Variants in PDE6B observed in about 807,000 individuals in gnomAD.
The protein encoded by PDE6B is phosphodiesterase 6B, also known as rod cGMP-specific 3',5'-cyclic phosphodiesterase subunit beta.
Under a neutral mutation model 109.0 loss-of-function variants are expected in PDE6B, and 106 were observed. The ratio of observed to expected loss-of-function variants is 0.97; its 90% CI spans 0.83 to 1.14. PDE6B has a LOEUF of 1.14. Among genes scored for constraint, PDE6B ranks in the 50% most tolerant of loss-of-function variants. The pLI, the probability that PDE6B is intolerant of heterozygous loss-of-function variation, is 0.00. For synonymous variants in PDE6B, 490 were observed against 471.3 expected (o/e 1.04, Z -0.51); for missense variants, 1,193 against 1,155.6 (o/e 1.03, Z -0.47).
intron 1 of PDE6B, among the ~76,000 whole-genome samples, chr4:631,292 A>T (rs1287433841): frequency 6.6e-6 from 1 of 152,234 alleles, no homozygotes; most frequent in Non-Finnish European, 1.5e-5. Flanking sequence ...GTCAGGTCTG[A>T]GATCCAGGAA....
chr4:654,551 C>T (rs1735968383), intron 5 of PDE6B: 3 of 599,682 alleles, frequency 5.0e-6, no homozygotes, highest in Non-Finnish European at 9.1e-6. Flanking sequence ...TAAACCGCGG[C>T]GTGTGATGCG....
rs200600572 is a variant in PDE6B, at chr4:634,799, C to T, written c.591C>T (p.Asn197=). The change falls in exon 2 of 22, where the codon AAC becomes AAT. Residue 197 remains asparagine (N), a synonymous_variant. Transcript: ENST00000496514. ...TGATCATGGCAGTGAACAAGCTCAA[C>T]GGCCCATTCTTCACCAGCGAAGACG... ...VAVIMAVNKL[N]GPFFTSEDED... 9.6e-5 allele frequency: 155 copies of T among 1,613,980 alleles called. No individual in the cohort carries two copies. Among genetic ancestry groups the T allele is most frequent in the Non-Finnish European group, 1.2e-4 (142 of 1,179,856 alleles).
In PDE6B at chr4:666,021, C is replaced by T. The variant is rs1011615515; in HGVS notation, c.2269-510C>T. ...AGGCAGCAGGTCCATCCCCCGCGCC[C>T]GGCCTCTAGAGTCCTGCATGGTTCA... On this transcript the variant is annotated intron_variant, in intron 19 of 21. Transcript: ENST00000496514. The surrounding 1 kb of genome is among the most constrained non-coding windows in gnomAD (Gnocchi z 5.6). Among the ~76,000 whole-genome samples, 8 of 152,118 alleles carry T rather than the reference C, an allele frequency of 5.3e-5. No homozygotes were observed. Among genetic ancestry groups the T allele is most frequent in the Admixed American group, 1.3e-4 (2 of 15,276 alleles).
In PDE6B at chr4:634,699, C is replaced by G. The variant is rs746748194; in HGVS notation, c.491C>G (p.Ala164Gly). ...VAECPHFSSF[A>G]DELTDYKTKN... ...CAGTGCCCTCACTTCAGCTCATTTG[C>G]TGACGAGCTCACTGACTACAAGACA... Residue 164 changes from alanine to glycine, a missense_variant, in exon 2 of 22, where the codon GCT becomes GGT. Transcript: ENST00000496514. 4 of 1,613,014 alleles carry G rather than the reference C, an allele frequency of 2.5e-6. No individual in the cohort carries two copies. The highest frequency in any genetic ancestry group is 3.4e-6 in the Non-Finnish European group (4 of 1,178,994).
chr4:667,790 A>C, intron 20 of PDE6B, 66 bp from the exon 21 acceptor site: 2 of 1,519,602 alleles, frequency 1.3e-6, no homozygotes, highest in Non-Finnish European at 1.8e-6. Flanking sequence ...GAGCTGGGGA[A>C]GGGCTATCTT....
chr4:661,835 C>T (rs1737136412), intron 12 of PDE6B: 1 of 461,282 alleles, frequency 2.2e-6, no homozygotes, highest in South Asian at 2.1e-5. Flanking sequence ...CAGGGGTCCT[C>T]CTCCCAGCTT....
At chr4:660,191 C>T (rs1472961606) in intron 11 of PDE6B, among the ~76,000 whole-genome samples, 1 of 152,116 alleles carries the variant, frequency 6.6e-6, no homozygotes, top group Non-Finnish European at 1.5e-5. Flanking sequence ...CATGTGCACA[C>T]CTTTGTGTTT....
intron 21 of PDE6B, among the ~76,000 whole-genome samples, chr4:668,608 T>C (rs1396578598): frequency 9.8e-6 from 1 of 102,246 alleles, no homozygotes; most frequent in East Asian, 2.9e-4. Context: ...CGCTACCCCA[T>C]GCTATTCCCC....
At chr4:652,472 T>C in intron 3 of PDE6B, 1 of 984,656 alleles carries the variant, frequency 1.0e-6, no homozygotes, top group Non-Finnish European at 1.2e-6. Flanking sequence ...AAAGCGTTCG[T>C]TAGCTGGAGC....
Position 636,255 on chromosome 4 carries a change from G to A in PDE6B, c.711+286G>A, listed in dbSNP as rs1177917466. Among the ~76,000 whole-genome samples the A allele has an allele frequency of 2.0e-5, 3 of 152,234 alleles. No individual in the cohort carries two copies. The highest frequency in any genetic ancestry group is 7.2e-5 in the African/African-American group (3 of 41,462). On this transcript the variant is annotated intron_variant, in intron 3 of 21. Coordinates refer to ENST00000496514, the MANE Select transcript of PDE6B (RefSeq NM_000283.4). The surrounding 1 kb of genome is among the most constrained non-coding windows in gnomAD (Gnocchi z 4.5). ...CCTAGAGGCTGCCCCCAACCTCCTT[G>A]GGAGAAGCCAGTATGAGTGACGAGT...
rs1236042637 is a variant in PDE6B, at chr4:633,123, G to A, written c.469-1554G>A. ...CACGACAAGCAGGCAGGAGTGTGCTGTGCTTGGCCTCAGGGGACACAGGTG... is the reference window on the plus strand; with the variant it reads ...CACGACAAGCAGGCAGGAGTGTGCTATGCTTGGCCTCAGGGGACACAGGTG... On this transcript the variant is annotated intron_variant, in intron 1 of 21. Transcript: ENST00000496514. The surrounding 1 kb of genome is among the most constrained non-coding windows in gnomAD (Gnocchi z 4.5). Among the ~76,000 whole-genome samples, 1 of 152,170 alleles carries A rather than the reference G, an allele frequency of 6.6e-6. No individual in the cohort carries two copies. The highest frequency in any genetic ancestry group is 1.5e-5 in the Non-Finnish European group (1 of 68,028).
chr4:669,580 A>G (rs1336084643), intron 21 of PDE6B, among the ~76,000 whole-genome samples: 3 of 48,946 alleles, frequency 6.1e-5, no homozygotes, highest in African/African-American at 3.3e-4. Flanking sequence ...ACCCCATGCT[A>G]TTCCCGCTAC....
chr4:660,879 G>A (rs1736981580), intron 12 of PDE6B, among the ~76,000 whole-genome samples: 1 of 150,932 alleles, frequency 6.6e-6, no homozygotes, highest in South Asian at 2.1e-4. Context: ...AGGGAGGAAG[G>A]AGGGAGGTTA....
chr4:670,235 TTTAA>T lies in PDE6B; in HGVS notation c.*131_*134del. 1 of 1,436,076 alleles carries T rather than the reference TTTAA, an allele frequency of 7.0e-7. No homozygotes were observed. Among genetic ancestry groups the T allele is most frequent in the African/African-American group, 1.5e-5 (1 of 67,514 alleles). The allele number at this position is 1,436,076 out of a possible 1,614,324, so 89.0% of individuals were successfully genotyped here. A position where few individuals can be genotyped will look rare whatever the true frequency, so the allele number is the denominator to read the frequency against. ...AATGACTGAAGATCATTCTGGATAT[TTTAA>T]TTTTTTTTTTTTTTTTTTTTTGAGA... On this transcript the variant is annotated 3_prime_UTR_variant, in exon 22 of 22. Coordinates refer to ENST00000496514, the MANE Select transcript of PDE6B (RefSeq NM_000283.4).
At chr4:643,137 G>A (rs953713733) in intron 3 of PDE6B, among the ~76,000 whole-genome samples, 11 of 152,044 alleles carry the variant, frequency 7.2e-5, no homozygotes, top group South Asian at 2.1e-4. Context: ...GTGAAACCCC[G>A]TCTCTACTAA....
At position 629,482 on chromosome 4, in the gene PDE6B, G is replaced by C. The variant is rs561840001; in HGVS notation, c.468+3388G>C. On this transcript the variant is annotated intron_variant, in intron 1 of 21. Transcript: ENST00000496514. ...GCCGAACAGCCACGGACCCCGCAGT[G>C]CTGTGCATGCAGCCTCAGCCTCCAC... Among the ~76,000 whole-genome samples the C allele has an allele frequency of 1.4e-4, 21 of 152,356 alleles. No individual in the cohort carries two copies. The East Asian group carries it at 3.5e-3, about 25-fold the overall frequency.
At chr4:656,518 A>G (rs1736269587) in intron 8 of PDE6B, among the ~76,000 whole-genome samples, 2 of 149,966 alleles carry the variant, frequency 1.3e-5, no homozygotes, top group Admixed American at 1.3e-4. Flanking sequence ...CGCGGCCCCC[A>G]CACACCCCTG....
At chr4:650,369 C>A (rs920787418) in intron 3 of PDE6B, among the ~76,000 whole-genome samples, 1 of 152,254 alleles carries the variant, frequency 6.6e-6, no homozygotes, top group South Asian at 2.1e-4. Flanking sequence ...CCTGTCCCCA[C>A]TGCCCAGGAC....
At chr4:653,341 G>C in intron 3 of PDE6B, 1 of 1,084,968 alleles carries the variant, frequency 9.2e-7, no homozygotes, top group Non-Finnish European at 1.1e-6. Context: ...CCTGGTGGCA[G>C]CGCTGACCCA....
Sources: allele counts gnomAD v4.1 joint callset (sites outside exome capture counted in the v4.1 genomes callset), GRCh38; gene constraint gnomAD v4.1.1; non-coding constraint Gnocchi (gnomAD v3.1); transcripts MANE v1.5; gene names NCBI Gene and HGNC (gene_info 2026-07-23, HGNC 2026-07-21).